SLC44A5: variants seen among roughly 807,000 people sequenced by gnomAD.
SLC44A5 encodes choline transporter-like protein 5.
Under a neutral mutation model 101.8 loss-of-function variants are expected in SLC44A5, and 57 were observed. The observed-to-expected ratio is 0.56, with a 90% CI of 0.45 to 0.70. The LOEUF (loss-of-function observed/expected upper bound fraction) is 0.70, where lower values mean the gene tolerates loss of function less well. Ranked by LOEUF, SLC44A5 falls within the 30% of genes least tolerant of loss-of-function variation. The probability of loss-of-function intolerance (pLI) is 0.00; values close to 1 mark genes in which losing one functional copy is unlikely to be tolerated. For missense variants in SLC44A5, 737 were observed against 853.1 expected, an observed-to-expected ratio of 0.86 and a Z score of 1.70; for synonymous variants, 281 against 290.9, an observed-to-expected ratio of 0.97 and a Z score of 0.35.
In SLC44A5 at chr1:75,219,902, AAC is replaced by A; in HGVS notation, c.1086-12_1086-11del. 1 of 1,556,948 alleles carries A rather than the reference AAC, an allele frequency of 6.4e-7. No homozygotes were observed. The highest frequency in any genetic ancestry group is 1.4e-5 in the African/African-American group (1 of 73,158). On this transcript the variant is annotated splice_polypyrimidine_tract_variant and intron_variant, in intron 14 of 23. Transcript: ENST00000370859. ...AACATATCCAATGGCTCTGAAATAA[AAC>A]AAATAGTTGAAATTCAATTGTTAAA...
the SLC44A5 span, among the ~76,000 whole-genome samples, chr1:75,625,312 C>T: frequency 6.6e-6 from 1 of 152,114 alleles, no homozygotes; most frequent in Non-Finnish European, 1.5e-5. Flanking sequence ...TTCCTCCTTT[C>T]AAAAATCCTG....
At chr1:75,275,884 C>G (rs1651876578) in intron 5 of SLC44A5, among the ~76,000 whole-genome samples, 1 of 152,102 alleles carries the variant, frequency 6.6e-6, no homozygotes, top group Non-Finnish European at 1.5e-5. Context: ...ATGCTTGCCT[C>G]TGAATATGGA....
chr1:75,393,863 A>G (rs925462204), intron 3 of SLC44A5, among the ~76,000 whole-genome samples: 4 of 152,166 alleles, frequency 2.6e-5, no homozygotes, highest in African/African-American at 9.7e-5. Context: ...GAAGCAATTT[A>G]GTGGAGATGG....
At chr1:75,557,940 A>G (rs1672309626) in intron 1 of SLC44A5, among the ~76,000 whole-genome samples, 1 of 152,162 alleles carries the variant, frequency 6.6e-6, no homozygotes, top group Non-Finnish European at 1.5e-5. Flanking sequence ...GATTGATTAT[A>G]TATTAGCACA....
intron 4 of SLC44A5, among the ~76,000 whole-genome samples, chr1:75,329,594 A>T (rs1656867950): frequency 6.6e-6 from 1 of 152,148 alleles, no homozygotes; most frequent in Non-Finnish European, 1.5e-5. Context: ...TCTGTGTCTT[A>T]TTCAATTCTG....
At chr1:75,697,771 G>T in the SLC44A5 span, among the ~76,000 whole-genome samples, 55 of 152,324 alleles carry the variant, frequency 3.6e-4, no homozygotes, top group African/African-American at 1.3e-3. Context: ...GTGCCAGAGA[G>T]TGGGCGCAGG....
At chr1:75,663,100 T>G in the SLC44A5 span, among the ~76,000 whole-genome samples, 1 of 152,160 alleles carries the variant, frequency 6.6e-6, no homozygotes, top group Admixed American at 6.6e-5. Flanking sequence ...AAGACTAGCA[T>G]GTACTTATTA....
At chr1:75,706,299 A>C in the SLC44A5 span, among the ~76,000 whole-genome samples, 44,679 of 152,054 alleles carry the variant, frequency 0.29, 6,783 homozygotes, top group Non-Finnish European at 0.33. Context: ...ACTTGTTATT[A>C]GAGAACACAG....
intron 2 of SLC44A5, 137 bp from the exon 3 acceptor site, chr1:75,396,758 T>C: frequency 3.1e-6 from 2 of 652,986 alleles, no homozygotes; most frequent in Non-Finnish European, 5.5e-6. Flanking sequence ...GTTGGACTGG[T>C]TGAAGTAATT....
chr1:75,678,517 T>G, the SLC44A5 span, among the ~76,000 whole-genome samples: 7 of 150,486 alleles, frequency 4.7e-5, no homozygotes, highest in Admixed American at 1.3e-4. Context: ...CACCTCACAC[T>G]GCAGGGTACT....
At chr1:75,476,594 AT>A (rs1329839965) in intron 2 of SLC44A5, among the ~76,000 whole-genome samples, 1 of 152,222 alleles carries the variant, frequency 6.6e-6, no homozygotes, top group Non-Finnish European at 1.5e-5. Context: ...GCACCAGGAG[AT>A]TATATCCCAC....
chr1:75,280,889 T>C (rs907080807), intron 5 of SLC44A5, among the ~76,000 whole-genome samples: 1 of 151,142 alleles, frequency 6.6e-6, no homozygotes, highest in African/African-American at 2.4e-5. Context: ...CTCTTTCCTT[T>C]GTAAATTACA....
chr1:75,203,934 T>TTCG, intron 23 of SLC44A5, 101 bp from the exon 24 acceptor site: 4 of 1,071,438 alleles, frequency 3.7e-6, no homozygotes, highest in East Asian at 3.6e-5. Context: ...TCAAAATCCT[T>TTCG]TTGTTGTTTT....
At chr1:75,692,185 CTTTTTTTT>C in the SLC44A5 span, among the ~76,000 whole-genome samples, 5 of 84,774 alleles carry the variant, frequency 5.9e-5, no homozygotes, top group African/African-American at 1.0e-4. Context: ...AGATGGGATT[CTTTTTTTT>C]TTTTTTTTTT....
intron 2 of SLC44A5, among the ~76,000 whole-genome samples, chr1:75,481,298 C>A (rs977181486): frequency 1.6e-4 from 25 of 152,140 alleles, no homozygotes; most frequent in Non-Finnish European, 2.4e-4. Context: ...AACCATAAAA[C>A]CCCTAGAAGA....
intron 14 of SLC44A5, among the ~76,000 whole-genome samples, chr1:75,220,294 T>C (rs1647051518): frequency 6.6e-6 from 1 of 152,142 alleles, no homozygotes; most frequent in African/African-American, 2.4e-5. Flanking sequence ...ATGTGTTCAC[T>C]ACCCTTCGGT....
At chr1:75,254,438 A>T (rs1468812911) in intron 6 of SLC44A5, among the ~76,000 whole-genome samples, 2 of 152,200 alleles carry the variant, frequency 1.3e-5, no homozygotes, top group African/African-American at 4.8e-5. Flanking sequence ...AACTTAAATT[A>T]TATTTCCATC....
chr1:75,253,664 T>G (rs904665624), intron 6 of SLC44A5, among the ~76,000 whole-genome samples: 1 of 152,204 alleles, frequency 6.6e-6, no homozygotes, highest in Non-Finnish European at 1.5e-5. Flanking sequence ...CTTGGATCAC[T>G]GGGGTCCCTT....
chr1:75,609,375 A>G (rs1170643166), intron 1 of SLC44A5, among the ~76,000 whole-genome samples: 1 of 152,000 alleles, frequency 6.6e-6, no homozygotes, highest in Non-Finnish European at 1.5e-5. Flanking sequence ...TTTGATATAT[A>G]TACACATTGT....
Sources: allele counts gnomAD v4.1 joint callset (sites outside exome capture counted in the v4.1 genomes callset), GRCh38; gene constraint gnomAD v4.1.1; transcripts MANE v1.5; gene names NCBI Gene and HGNC (gene_info 2026-07-23, HGNC 2026-07-21).